The following SPIRE1 variants were observed in gnomAD, a reference collection of about 807,000 sequenced individuals.
SPIRE1 encodes protein spire homolog 1.
In SPIRE1, 40 loss-of-function variants were observed where a neutral mutation model predicts 94.1. The ratio of observed to expected loss-of-function variants is 0.43; its 90% CI spans 0.33 to 0.55. The LOEUF (loss-of-function observed/expected upper bound fraction) is 0.55, where lower values mean the gene tolerates loss of function less well. SPIRE1 is among the 20% of genes least tolerant of loss of function. The pLI is 0.06. For missense variants in SPIRE1, 838 were observed against 975.2 expected (o/e 0.86, Z 1.87); for synonymous variants, 376 against 371.7 (o/e 1.01, Z -0.13).
chr18:12,525,742 G>A (rs2034502429), intron 4 of SPIRE1, among the ~76,000 whole-genome samples: 1 of 152,144 alleles, frequency 6.6e-6, no homozygotes, highest in East Asian at 1.9e-4. Flanking sequence ...CAAGATTTCT[G>A]TTTTAAAGCA....
At chr18:12,564,524 T>C (rs1460949788) in intron 2 of SPIRE1, among the ~76,000 whole-genome samples, 1 of 152,188 alleles carries the variant, frequency 6.6e-6, no homozygotes, top group African/African-American at 2.4e-5. Flanking sequence ...TACTCTATTC[T>C]GACAACAAGT....
At chr18:12,614,498 G>A (rs1302639062) in intron 2 of SPIRE1, among the ~76,000 whole-genome samples, 1 of 152,184 alleles carries the variant, frequency 6.6e-6, no homozygotes, top group African/African-American at 2.4e-5. Flanking sequence ...GGAAAGAAGG[G>A]AAGGGAATGC....
intron 4 of SPIRE1, among the ~76,000 whole-genome samples, chr18:12,528,046 G>T (rs1212985500): frequency 7.9e-6 from 1 of 125,868 alleles, no homozygotes; most frequent in Non-Finnish European, 1.6e-5. Context: ...GACAGAGCAA[G>T]ACTCTATCTC....
intron 2 of SPIRE1, among the ~76,000 whole-genome samples, chr18:12,595,789 A>T (rs1433443059): frequency 1.3e-5 from 2 of 152,258 alleles, no homozygotes; most frequent in Non-Finnish European, 2.9e-5. Flanking sequence ...GTTAACAGAG[A>T]TATCACAAAA....
At chr18:12,516,027 A>C (rs2034184102) in intron 4 of SPIRE1, 1 of 152,166 alleles carries the variant, frequency 6.6e-6, no homozygotes, top group Admixed American at 6.5e-5. Context: ...CACAGCATGA[A>C]ACATTAAAAA....
chr18:12,506,743 A>C (rs2033849233), intron 5 of SPIRE1, 102 bp from the exon 6 acceptor site: 1 of 1,159,180 alleles, frequency 8.6e-7, no homozygotes, highest in Non-Finnish European at 1.2e-6. Flanking sequence ...TTACAAAACA[A>C]TGAGTAAACC....
intron 2 of SPIRE1, among the ~76,000 whole-genome samples, chr18:12,599,488 T>C (rs777165685): frequency 6.6e-6 from 1 of 152,194 alleles, no homozygotes; most frequent in South Asian, 2.1e-4. Flanking sequence ...GGTCTCAAAC[T>C]CCTATCCTCA....
chr18:12,505,569 A>AC (rs2033805473), intron 6 of SPIRE1, among the ~76,000 whole-genome samples: 1 of 149,636 alleles, frequency 6.7e-6, no homozygotes, highest in Non-Finnish European at 1.5e-5. Flanking sequence ...AAAAAAAAAC[A>AC]AAAAAACTCT....
At chr18:12,515,220 T>C (rs1001249214) in intron 4 of SPIRE1, among the ~76,000 whole-genome samples, 4 of 152,170 alleles carry the variant, frequency 2.6e-5, no homozygotes, top group Admixed American at 1.3e-4. Flanking sequence ...TTTTCTTTTT[T>C]TTTTAAATTC....
rs770683183 is a variant in SPIRE1 at position 12,446,950 on chromosome 18, C to G, written c.*2688G>C. The G allele has an allele frequency of 6.6e-6, 1 of 152,182 alleles. No homozygotes were observed. The highest frequency in any genetic ancestry group is 1.5e-5 in the Non-Finnish European group (1 of 68,034). 9.4% of individuals were successfully genotyped at this position (152,182 alleles called of 1,614,324 possible). A position where few individuals can be genotyped will look rare whatever the true frequency, so the allele number is the denominator to read the frequency against. Reference sequence around the variant, plus strand: ...CTAGTAAGATTGTTAAATCAACGTACGTCAATCATTCATTTTCACTTGCCT... The same window carrying G: ...CTAGTAAGATTGTTAAATCAACGTAGGTCAATCATTCATTTTCACTTGCCT... On this transcript the variant is annotated 3_prime_UTR_variant, in exon 17 of 17. Coordinates refer to ENST00000409402, the MANE Select transcript of SPIRE1 (RefSeq NM_001128626.2).
chr18:12,481,343 C>A (rs966415746), intron 9 of SPIRE1, among the ~76,000 whole-genome samples: 1 of 145,698 alleles, frequency 6.9e-6, no homozygotes, highest in Non-Finnish European at 1.5e-5. Context: ...AATATTTACA[C>A]ACCTTAAGTA....
chr18:12,624,237 T>TA lies in SPIRE1; in HGVS notation c.372+10824dup, dbSNP rs71174110. ...ATGCCTGCCTAATAAGGCAAATTAT[T>TA]AAAAAAAAAAAAACATTCTACATGG... is the stretch of plus-strand genomic sequence containing the variant. On this transcript the variant is annotated intron_variant, in intron 2 of 16. Coordinates refer to ENST00000409402, the MANE Select transcript of SPIRE1 (RefSeq NM_001128626.2). 3.1e-3 allele frequency among the ~76,000 whole-genome samples: 450 copies of TA among 146,532 alleles called. 3 individuals carry two copies. The highest frequency in any genetic ancestry group is 0.017 in the South Asian group (77 of 4,660).
intron 10 of SPIRE1, among the ~76,000 whole-genome samples, chr18:12,471,359 C>A (rs2032352044): frequency 6.6e-6 from 1 of 150,936 alleles, no homozygotes; most frequent in Non-Finnish European, 1.5e-5. Context: ...AGGCCCCTTC[C>A]AGTTAAAAAA....
chr18:12,544,095 C>G (rs2035084557), intron 3 of SPIRE1, among the ~76,000 whole-genome samples: 1 of 152,156 alleles, frequency 6.6e-6, no homozygotes, highest in African/African-American at 2.4e-5. Flanking sequence ...CAAGAAACAA[C>G]AGGTGAGGTT....
chr18:12,590,293 T>C (rs969499751), intron 2 of SPIRE1, among the ~76,000 whole-genome samples: 3 of 152,168 alleles, frequency 2.0e-5, no homozygotes, highest in Admixed American at 6.5e-5. Context: ...TTTCACCATG[T>C]TGGCCAGGCT....
At chr18:12,504,351 A>G (rs1214191880) in intron 6 of SPIRE1, among the ~76,000 whole-genome samples, 2 of 127,844 alleles carry the variant, frequency 1.6e-5, no homozygotes, top group Admixed American at 7.3e-5. Context: ...TACTAAAAAT[A>G]CAAAAATTAG....
chr18:12,508,295 TA>T (rs1233405471), intron 5 of SPIRE1, among the ~76,000 whole-genome samples: 4 of 152,136 alleles, frequency 2.6e-5, no homozygotes, highest in African/African-American at 9.7e-5. Context: ...TTCATAATTT[TA>T]AAAAAATGTT....
chr18:12,572,943 G>A (rs1201502396), intron 2 of SPIRE1, among the ~76,000 whole-genome samples: 2 of 152,140 alleles, frequency 1.3e-5, no homozygotes, highest in Admixed American at 6.5e-5. Context: ...TAGAAGATAG[G>A]CAGCATTGGG....
chr18:12,632,822 A>G (rs1012765972), intron 2 of SPIRE1, among the ~76,000 whole-genome samples: 1 of 152,170 alleles, frequency 6.6e-6, no homozygotes, highest in African/African-American at 2.4e-5. Context: ...ATGCTTCTTT[A>G]CAAAGTGAGT....
Sources: gnomAD v4.1 joint callset for allele counts (sites outside exome capture counted in the v4.1 genomes callset) on GRCh38, gnomAD v4.1.1 for gene constraint, MANE v1.5 for transcripts, NCBI Gene and HGNC (gene_info 2026-07-23, HGNC 2026-07-21) for gene names.